The following MAP3K13 variants were observed in gnomAD, a reference collection of about 807,000 sequenced individuals.
The protein encoded by MAP3K13 is mitogen-activated protein kinase kinase kinase 13.
MAP3K13 carries 52 observed loss-of-function variants against 104.0 expected under a neutral mutation model. That is an observed-to-expected ratio of 0.50 (90% CI 0.40 to 0.63). MAP3K13 has a LOEUF of 0.63. Ranked by LOEUF, MAP3K13 falls within the 20% of genes least tolerant of loss-of-function variation. The pLI, the probability that MAP3K13 is intolerant of heterozygous loss-of-function variation, is 0.00. For synonymous variants in MAP3K13, 394 were observed against 442.2 expected (o/e 0.89, Z 1.37); for missense variants, 914 against 1,218.5 (o/e 0.75, Z 3.72).
At chr3:185,470,777 G>T (rs1245695293) in intron 10 of MAP3K13, among the ~76,000 whole-genome samples, 1 of 152,122 alleles carries the variant, frequency 6.6e-6, no homozygotes. Flanking sequence ...CATATGAGGG[G>T]ACTTCAAAAA....
chr3:185,366,477 G>A (rs1723892296), intron 1 of MAP3K13, among the ~76,000 whole-genome samples: 1 of 152,108 alleles, frequency 6.6e-6, no homozygotes, highest in East Asian at 1.9e-4. Flanking sequence ...GGGTCATTAT[G>A]ATTACTATAT....
At chr3:185,401,136 G>A (rs1336135872) in intron 1 of MAP3K13, among the ~76,000 whole-genome samples, 1 of 152,016 alleles carries the variant, frequency 6.6e-6, no homozygotes, top group Non-Finnish European at 1.5e-5. Context: ...TCATTTGATG[G>A]TAAATAATAT....
chr3:185,284,129 C>T (rs575502768), intron 1 of MAP3K13, among the ~76,000 whole-genome samples: 1 of 151,920 alleles, frequency 6.6e-6, no homozygotes, highest in Admixed American at 6.6e-5. Flanking sequence ...TGAACCACTA[C>T]GCGCGGCCAC....
chr3:185,314,964 A>C (rs1297596363), intron 2 of MAP3K13, among the ~76,000 whole-genome samples: 2 of 152,088 alleles, frequency 1.3e-5, no homozygotes, highest in Admixed American at 1.3e-4. Context: ...AATAACTGAT[A>C]CATGTTGGCC....
At chr3:185,374,198 G>A (rs1724306368) in intron 1 of MAP3K13, among the ~76,000 whole-genome samples, 1 of 152,108 alleles carries the variant, frequency 6.6e-6, no homozygotes, top group South Asian at 2.1e-4. Flanking sequence ...GCAGGTCACT[G>A]GGGATATGAT....
intron 2 of MAP3K13, among the ~76,000 whole-genome samples, chr3:185,346,885 CT>C (rs1722945060): frequency 5.9e-5 from 9 of 151,746 alleles, no homozygotes; most frequent in African/African-American, 2.2e-4. Context: ...TATTAGTATG[CT>C]TATCTATCTA....
chr3:185,331,668 A>G (rs1722288066), intron 2 of MAP3K13, among the ~76,000 whole-genome samples: 1 of 152,098 alleles, frequency 6.6e-6, no homozygotes, highest in Admixed American at 6.6e-5. Context: ...ATTTCCAACC[A>G]TAGGAATTTT....
intron 2 of MAP3K13, among the ~76,000 whole-genome samples, chr3:185,337,052 A>G (rs1722531518): frequency 6.6e-6 from 1 of 152,020 alleles, no homozygotes; most frequent in South Asian, 2.1e-4. Context: ...TAATTTAAAG[A>G]CTAAATCTTT....
In MAP3K13 at chr3:185,418,216, C is replaced by A. The variant is rs1349135162; in HGVS notation, c.-85-10281C>A. On this transcript the variant is annotated intron_variant, in intron 1 of 13. Coordinates refer to ENST00000265026, the MANE Select transcript of MAP3K13 (RefSeq NM_004721.5). This position sits in a 1 kb window ranked among gnomAD's most constrained non-coding sequence, Gnocchi z 4.5. ...CATTTTGCCTTTGCCAGCTCTCATTCGCTGAGAGGCATAGACCTTTTCGAT... is the reference window on the plus strand; with the variant it reads ...CATTTTGCCTTTGCCAGCTCTCATTAGCTGAGAGGCATAGACCTTTTCGAT... 6.2e-7 allele frequency: 1 copy of A among 1,610,530 alleles called. No homozygotes were observed.
At chr3:185,347,316 A>G (rs1345078641) in intron 2 of MAP3K13, among the ~76,000 whole-genome samples, 1 of 152,184 alleles carries the variant, frequency 6.6e-6, no homozygotes. Context: ...GACAGACTAC[A>G]GATTATGTAT....
chr3:185,388,974 TCC>T (rs1284879916), intron 1 of MAP3K13, among the ~76,000 whole-genome samples: 3 of 152,180 alleles, frequency 2.0e-5, no homozygotes, highest in African/African-American at 7.2e-5. Context: ...CTTTTTTACT[TCC>T]CTGAGCAGCA....
At chr3:185,288,807 G>T (rs1190637953) in intron 2 of MAP3K13, among the ~76,000 whole-genome samples, 2 of 152,054 alleles carry the variant, frequency 1.3e-5, no homozygotes, top group South Asian at 2.1e-4. Flanking sequence ...ATTCTGTTTT[G>T]TGTTGTTTTG....
intron 1 of MAP3K13, among the ~76,000 whole-genome samples, chr3:185,412,043 C>G (rs1713484877): frequency 6.6e-6 from 1 of 152,178 alleles, no homozygotes; most frequent in Non-Finnish European, 1.5e-5. Flanking sequence ...CTCGGCCTCC[C>G]AAAGTGCTGG....
Position 185,487,169 on chromosome 3 carries a change from T to C in MAP3K13, c.*4713T>C, listed in dbSNP as rs1232469003. On this transcript the variant is annotated 3_prime_UTR_variant, in exon 14 of 14. Coordinates refer to ENST00000265026, the MANE Select transcript of MAP3K13 (RefSeq NM_004721.5). ...TACCTGGCACCAACCCAGACTTTTT[T>C]TGGGGGGGGGTGAGGGCGCAGGATC... 9.1e-6 allele frequency: 1 copy of C among 110,000 alleles called. No individual in the cohort carries two copies. Among genetic ancestry groups the C allele is most frequent in the Non-Finnish European group, 2.0e-5 (1 of 50,286 alleles). 6.8% of individuals were successfully genotyped at this position (110,000 alleles called of 1,614,324 possible).
intron 1 of MAP3K13, among the ~76,000 whole-genome samples, chr3:185,380,043 G>A (rs754107136): frequency 1.3e-4 from 20 of 151,820 alleles, no homozygotes; most frequent in East Asian, 3.9e-4. Context: ...AAAATTAGCC[G>A]GGCATGATGG....
chr3:185,449,371 TA>T (rs61621090), intron 5 of MAP3K13, among the ~76,000 whole-genome samples: 320 of 80,778 alleles, frequency 4.0e-3, no homozygotes, highest in African/African-American at 5.3e-3. Flanking sequence ...AGATGCTGTC[TA>T]AAAAAAAAAA....
At chr3:185,300,794 CCTT>C (rs1360806716) in intron 2 of MAP3K13, among the ~76,000 whole-genome samples, 1 of 152,144 alleles carries the variant, frequency 6.6e-6, no homozygotes, top group African/African-American at 2.4e-5. Flanking sequence ...GCCTGGCCTA[CCTT>C]CTTTTTTAAG....
Position 185,450,606 on chromosome 3 carries a change from T to A in MAP3K13, c.1169+548T>A, listed in dbSNP as rs575932129. 6.6e-6 allele frequency among the ~76,000 whole-genome samples: 1 copy of A among 151,448 alleles called. No individual in the cohort carries two copies. ...ACATAGCGAGACCCCATCTCTGTGT[T>A]AAAAACATAAAATAAAATAAAATAT... On this transcript the variant is annotated intron_variant, in intron 6 of 13. Coordinates refer to ENST00000265026, the MANE Select transcript of MAP3K13 (RefSeq NM_004721.5). The surrounding 1 kb of genome is among the most constrained non-coding windows in gnomAD (Gnocchi z 4.2).
intron 1 of MAP3K13, among the ~76,000 whole-genome samples, chr3:185,400,905 G>GTTTTTTTTTTTTTTTTTTTTTTT (rs71164506): frequency 5.6e-5 from 6 of 107,282 alleles, no homozygotes; most frequent in South Asian, 3.2e-4. Context: ...GTGTTTGTTT[G>GTTTTTTTTTTTTTTTTTTTTTTT]TTTTTTTTTT....
Sources: allele counts gnomAD v4.1 joint callset (sites outside exome capture counted in the v4.1 genomes callset), GRCh38; gene constraint gnomAD v4.1.1; non-coding constraint Gnocchi (gnomAD v3.1); transcripts MANE v1.5; gene names NCBI Gene and HGNC (gene_info 2026-07-23, HGNC 2026-07-21).